The following VPS37A variants were observed in gnomAD, a reference collection of about 807,000 sequenced individuals.
VPS37A encodes the protein vacuolar protein sorting-associated protein 37A.
VPS37A carries 30 observed loss-of-function variants against 49.8 expected under a neutral mutation model. The observed-to-expected ratio is 0.60, with a 90% CI of 0.45 to 0.82. The LOEUF (loss-of-function observed/expected upper bound fraction) is 0.82. Ranked by LOEUF, VPS37A falls within the 40% of genes least tolerant of loss-of-function variation. VPS37A has a pLI of 0.00. For synonymous variants in VPS37A, 195 were observed against 160.6 expected, an observed-to-expected ratio of 1.21 and a Z score of -1.62; for missense variants, 593 against 464.4, an observed-to-expected ratio of 1.28 and a Z score of -2.55.
At chr8:17,305,171 A>G (rs561984665), downstream of VPS37A, among the ~76,000 whole-genome samples, 1 of 152,336 alleles carries the variant, frequency 6.6e-6, no homozygotes, top group African/African-American at 2.4e-5. Context: ...ATTTGAACTG[A>G]TCATTCCCCA....
chr8:17,311,521 T>C, the VPS37A span: 1 of 1,614,072 alleles, frequency 6.2e-7, no homozygotes. Context: ...CATGAAGCCC[T>C]TCAGAGTCCG....
chr8:17,265,928 T>C lies in VPS37A; in HGVS notation c.147T>C (p.Asp49=), dbSNP rs1272908174. The change falls in exon 2 of 12, where the codon GAT becomes GAC. Residue 49 remains aspartate (D), a synonymous_variant. Coordinates refer to ENST00000324849, the MANE Select transcript of VPS37A (RefSeq NM_152415.3). ...SHSSIAEIQK[D]VEYRLPFTIN... ...GCAGTATAGCCGAAATACAGAAAGA[T>C]GTGGAATACAGATTGCCATTCACCA... 20 of 1,613,420 alleles carry C rather than the reference T, an allele frequency of 1.2e-5. No individual in the cohort carries two copies. Among genetic ancestry groups the C allele is most frequent in the Non-Finnish European group, 1.7e-5 (20 of 1,179,690 alleles).
At chr8:17,303,867 A>G (rs966252727), downstream of VPS37A, among the ~76,000 whole-genome samples, 6 of 152,166 alleles carry the variant, frequency 3.9e-5, no homozygotes, top group Admixed American at 1.3e-4. Context: ...GCCTCGGCTA[A>G]TACATACAAT....
chr8:17,274,350 C>T (rs899472823), intron 4 of VPS37A, among the ~76,000 whole-genome samples: 1 of 152,194 alleles, frequency 6.6e-6, no homozygotes, highest in South Asian at 2.1e-4. Context: ...TTAGCCTCTA[C>T]TTGAATAAAT....
chr8:17,272,710 C>T (rs1209561792), intron 4 of VPS37A, among the ~76,000 whole-genome samples: 1 of 152,038 alleles, frequency 6.6e-6, no homozygotes, highest in East Asian at 1.9e-4. Context: ...ATCACTAATT[C>T]CTTCAGATAA....
the VPS37A span, among the ~76,000 whole-genome samples, chr8:17,318,098 G>A: frequency 1.3e-5 from 2 of 152,156 alleles, no homozygotes; most frequent in Non-Finnish European, 2.9e-5. Context: ...TCAGGATGAT[G>A]ATGGGAAGCC....
In VPS37A at chr8:17,296,275, C is replaced by G. The variant is rs1352786443; in HGVS notation, c.*1289C>G. The G allele has an allele frequency of 6.6e-6, 1 of 152,136 alleles. No homozygotes were observed. The highest frequency in any genetic ancestry group is 6.6e-5 in the Admixed American group (1 of 15,264). The allele number at this position is 152,136 out of a possible 1,614,324, so 9.4% of individuals were successfully genotyped here. On this transcript the variant is annotated 3_prime_UTR_variant, in exon 12 of 12. Coordinates refer to ENST00000324849, the MANE Select transcript of VPS37A (RefSeq NM_152415.3). ...TGTGGAGGGCAGGTATTCACGTGGA[C>G]TGAGATACAATGTTGGATACAGAAA...
chr8:17,300,850 T>A (rs1817063431), downstream of VPS37A, among the ~76,000 whole-genome samples: 1 of 152,258 alleles, frequency 6.6e-6, no homozygotes, highest in Admixed American at 6.5e-5. Flanking sequence ...ATGTTTTATA[T>A]AAATTGAATG....
At chr8:17,249,866 C>G (rs1365925767) in intron 1 of VPS37A, among the ~76,000 whole-genome samples, 1 of 152,142 alleles carries the variant, frequency 6.6e-6, no homozygotes, top group Admixed American at 6.5e-5. Flanking sequence ...CGAAGGAAAA[C>G]TGTCTGTATT....
rs1335314331 is a variant in VPS37A at position 17,284,632 on chromosome 8, C to T, written c.1113+16C>T. ...AAAGAGAACAGTATGTAATACTCGT[C>T]AGTTGAGGACAAGTATTGGATAAAG... On this transcript the variant is annotated intron_variant, in intron 10 of 11. Coordinates refer to ENST00000324849, the MANE Select transcript of VPS37A (RefSeq NM_152415.3). 1 of 1,571,888 alleles carries T rather than the reference C, an allele frequency of 6.4e-7. No individual in the cohort carries two copies. Among genetic ancestry groups the T allele is most frequent in the Non-Finnish European group, 8.6e-7 (1 of 1,165,700 alleles).
chr8:17,292,654 C>A (rs994579728), intron 11 of VPS37A, among the ~76,000 whole-genome samples: 5 of 152,150 alleles, frequency 3.3e-5, no homozygotes, highest in Non-Finnish European at 7.3e-5. Flanking sequence ...AGGCAGTCCT[C>A]GTGGTGACAG....
intron 1 of VPS37A, among the ~76,000 whole-genome samples, chr8:17,256,865 T>A: frequency 6.6e-6 from 1 of 152,154 alleles, no homozygotes. Flanking sequence ...TTGGTCAGGC[T>A]GGTCTCAAAC....
the VPS37A span, among the ~76,000 whole-genome samples, chr8:17,314,276 G>T: frequency 1.7e-4 from 26 of 152,174 alleles, 1 homozygote; most frequent in South Asian, 5.0e-3. Context: ...AGAAATCATA[G>T]ATTTCTTTTT....
rs1554502374 is a variant in VPS37A, at chr8:17,297,352, A to AAAT, written c.*2367_*2369dup. On this transcript the variant is annotated 3_prime_UTR_variant, in exon 12 of 12. Coordinates refer to ENST00000324849, the MANE Select transcript of VPS37A (RefSeq NM_152415.3). The stretch of plus-strand genomic sequence containing the variant: ...TTTCTAGGCATAAATTGAGACTAGG[A>AAAT]AATTTATATCAGAATAGAGGGTGCT... 1.3e-5 allele frequency: 2 copies of AAAT among 151,972 alleles called. No homozygotes were observed. The highest frequency in any genetic ancestry group is 2.9e-5 in the Non-Finnish European group (2 of 67,898). 9.4% of individuals were successfully genotyped at this position (151,972 alleles called of 1,614,324 possible).
At chr8:17,288,247 G>A (rs572947162) in intron 11 of VPS37A, among the ~76,000 whole-genome samples, 41 of 152,190 alleles carry the variant, frequency 2.7e-4, no homozygotes, top group African/African-American at 9.4e-4. Flanking sequence ...TATGCTTTAA[G>A]TTCTGGGATA....
chr8:17,318,706 G>C, the VPS37A span, among the ~76,000 whole-genome samples: 11 of 152,118 alleles, frequency 7.2e-5, no homozygotes, highest in African/African-American at 2.4e-4. Context: ...TGTTTGGAAG[G>C]TGACGTGAAG....
chr8:17,258,343 G>T (rs1812666013), intron 1 of VPS37A, among the ~76,000 whole-genome samples: 2 of 152,092 alleles, frequency 1.3e-5, no homozygotes, highest in Admixed American at 1.3e-4. Flanking sequence ...TTCGATGAGG[G>T]TTGTAATCAC....
chr8:17,286,309 G>C, intron 10 of VPS37A, 38 bp from the exon 11 acceptor site: 1 of 1,562,096 alleles, frequency 6.4e-7, no homozygotes, highest in Non-Finnish European at 8.8e-7. Context: ...GCATATCTTT[G>C]TAAAAGTGAC....
intron 9 of VPS37A, among the ~76,000 whole-genome samples, chr8:17,283,986 C>G (rs955664751): frequency 2.0e-5 from 3 of 152,136 alleles, no homozygotes; most frequent in Non-Finnish European, 4.4e-5. Context: ...TAATTTATGT[C>G]TTCAATTTCT....
Sources: allele counts gnomAD v4.1 joint callset (sites outside exome capture counted in the v4.1 genomes callset), GRCh38; gene constraint gnomAD v4.1.1; transcripts MANE v1.5; gene names NCBI Gene and HGNC (gene_info 2026-07-23, HGNC 2026-07-21).